WNK3: variants seen among roughly 807,000 people sequenced by gnomAD.
WNK3 encodes the protein WNK lysine deficient protein kinase 3, also known as serine/threonine-protein kinase WNK3.
In WNK3, 18 loss-of-function variants were observed where a neutral mutation model predicts 116.7. That is an observed-to-expected ratio of 0.15 (90% CI 0.11 to 0.23). The LOEUF (loss-of-function observed/expected upper bound fraction) is 0.23. Ranked by LOEUF, WNK3 falls within the 10% of genes least tolerant of loss-of-function variation. The probability of loss-of-function intolerance (pLI) is 1.00; values close to 1 mark genes in which losing one functional copy is unlikely to be tolerated. For synonymous variants in WNK3, 404 were observed against 469.4 expected (o/e 0.86, Z 1.80); for missense variants, 993 against 1,323.8 (o/e 0.75, Z 3.88).
At chrX:54,229,649 T>C in intron 21 of WNK3, among the ~76,000 whole-genome samples, 1 of 110,958 alleles carries the variant, frequency 9.0e-6, no homozygotes. Flanking sequence ...ATAATCAAAA[T>C]AGTGTGGTAT....
At chrX:54,286,370 A>T (rs1307187727) in intron 10 of WNK3, among the ~76,000 whole-genome samples, 1 of 111,180 alleles carries the variant, frequency 9.0e-6, no homozygotes, top group African/African-American at 3.3e-5. Context: ...CACATACTGA[A>T]ATCCATTATA....
In WNK3 at chrX:54,228,733, G is replaced by T. The variant is rs1557148352; in HGVS notation, c.4851C>A (p.Cys1617Ter). 2.1e-6 allele frequency: 1 copy of T among 487,221 alleles called. No homozygotes were observed. The highest frequency in any genetic ancestry group is 3.7e-6 in the Non-Finnish European group (1 of 268,597). The allele number at this position is 487,221 out of a possible 1,213,427, so 40.2% of individuals were successfully genotyped here. A position where few individuals can be genotyped will look rare whatever the true frequency, so the allele number is the denominator to read the frequency against. The stretch of plus-strand genomic sequence containing the variant: ...ACTTACTTTCCAACTCATTTATAAG[G>T]CAGCTTTTCCCTGATATCAAACCAG... Residue 1617 changes from cysteine to a stop codon, truncating the protein, a stop_gained, in exon 22 of 24, where the codon TGC becomes TGA. Coordinates refer to ENST00000354646, the Ensembl canonical transcript of WNK3. LOFTEE classifies it high-confidence loss of function.
At chrX:54,326,239 C>T (rs2069102880) in intron 2 of WNK3, among the ~76,000 whole-genome samples, 1 of 109,236 alleles carries the variant, frequency 9.2e-6, no homozygotes, top group African/African-American at 3.3e-5. Flanking sequence ...TACAGATGCC[C>T]GCCACTACAC....
intron 21 of WNK3, among the ~76,000 whole-genome samples, chrX:54,231,591 G>GACTC (rs1328520252): frequency 9.0e-6 from 1 of 111,617 alleles, no homozygotes; most frequent in Non-Finnish European, 1.9e-5. Context: ...CCTTTTCTCT[G>GACTC]ACTCTTCTGT....
At chrX:54,264,884 AT>A (rs2068293046) in intron 10 of WNK3, among the ~76,000 whole-genome samples, 1 of 109,785 alleles carries the variant, frequency 9.1e-6, no homozygotes, top group East Asian at 2.9e-4. Flanking sequence ...AAGAATGAGA[AT>A]GCATACTGGA....
At chrX:54,347,017 T>C (rs538230872) in intron 1 of WNK3, among the ~76,000 whole-genome samples, 2 of 112,066 alleles carry the variant, frequency 1.8e-5, no homozygotes, top group South Asian at 7.4e-4. Context: ...ACCAGGATAA[T>C]ATCTCTTCTA....
chrX:54,205,930 C>T (rs1327610006), intron 22 of WNK3, among the ~76,000 whole-genome samples: 1 of 111,395 alleles, frequency 9.0e-6, no homozygotes, highest in Non-Finnish European at 1.9e-5. Flanking sequence ...AACCAGAGTT[C>T]AGTCCTTGAT....
rs1198385907 is a variant in WNK3, at chrX:54,257,538, T to TA, written c.2103-1652dup. The stretch of plus-strand genomic sequence containing the variant: ...GGCCAGGCATGGTGGCTCACGCCTG[T>TA]AATCCCAGCACTTTGAGAGGCTGAG... On this transcript the variant is annotated intron_variant, in intron 11 of 23. Coordinates refer to ENST00000354646, the Ensembl canonical transcript of WNK3. Among the ~76,000 whole-genome samples the TA allele has an allele frequency of 3.6e-5, 4 of 110,864 alleles. No individual in the cohort carries two copies. In the Admixed American group the frequency reaches 3.9e-4, roughly 11 times the overall value.
chrX:54,355,422 T>C, intron 1 of WNK3, among the ~76,000 whole-genome samples: 1 of 111,065 alleles, frequency 9.0e-6, no homozygotes, highest in South Asian at 3.8e-4. Context: ...CAAAGTACCG[T>C]AATAAAATTA....
intron 1 of WNK3, among the ~76,000 whole-genome samples, chrX:54,346,681 C>T (rs1233062393): frequency 3.7e-5 from 4 of 109,587 alleles, no homozygotes; most frequent in Admixed American, 1.0e-4. Context: ...CCTTTCAATC[C>T]TTGGAAGAGA....
At chrX:54,197,655 G>C (rs1166746702) in exon 24 of WNK3, 2 of 107,759 alleles carry the variant, frequency 1.9e-5, no homozygotes, top group East Asian at 2.9e-4. Flanking sequence ...AACCCAGGAG[G>C]GGGAGGTTGC....
chrX:54,311,320 A>C, intron 2 of WNK3, 29 bp from the exon 3 acceptor site: 1 of 1,137,752 alleles, frequency 8.8e-7, no homozygotes, highest in East Asian at 3.0e-5. Flanking sequence ...TTCCAAAATA[A>C]AGTCATGAAA....
intron 10 of WNK3, among the ~76,000 whole-genome samples, chrX:54,261,848 T>C (rs1167927120): frequency 8.9e-6 from 1 of 111,969 alleles, no homozygotes; most frequent in Admixed American, 9.5e-5. Flanking sequence ...GTGAGGAACA[T>C]TCTTGTAGCC....
intron 13 of WNK3, among the ~76,000 whole-genome samples, chrX:54,253,367 G>A (rs1459166484): frequency 1.8e-5 from 2 of 111,257 alleles, no homozygotes; most frequent in Non-Finnish European, 3.8e-5. Context: ...CTGGGCTCAA[G>A]CAATCCTCCT....
chrX:54,224,248 A>G (rs1167390511), intron 22 of WNK3, among the ~76,000 whole-genome samples: 1 of 108,782 alleles, frequency 9.2e-6, no homozygotes, highest in African/African-American at 3.4e-5. Context: ...GGTACTAGGG[A>G]GGCTGAGGCA....
intron 2 of WNK3, among the ~76,000 whole-genome samples, chrX:54,329,646 TA>T (rs782574798): frequency 0.026 from 2,497 of 95,133 alleles, 27 homozygotes; most frequent in Non-Finnish European, 0.037. Context: ...GACTCTGTCT[TA>T]AAAAAAAAAA....
chrX:54,345,516 A>G (rs1938375300), intron 1 of WNK3, among the ~76,000 whole-genome samples: 1 of 110,915 alleles, frequency 9.0e-6, no homozygotes, highest in Non-Finnish European at 1.9e-5. Flanking sequence ...AATTAGAACC[A>G]CAAAGAGGCG....
exon 1 of WNK3, chrX:54,357,839 C>T (rs1294076403): frequency 6.2e-5 from 7 of 113,205 alleles, no homozygotes; most frequent in African/African-American, 1.9e-4. Context: ...TCCGATGCTT[C>T]TTACTCCTCT....
chrX:54,349,801 C>T (rs1162145683), intron 1 of WNK3, among the ~76,000 whole-genome samples: 1 of 111,183 alleles, frequency 9.0e-6, no homozygotes, highest in Non-Finnish European at 1.9e-5. Context: ...ATCTTGTGAG[C>T]CTTAGGAGTT....
Sources: gnomAD v4.1 joint callset for allele counts (sites outside exome capture counted in the v4.1 genomes callset) on GRCh38, gnomAD v4.1.1 for gene constraint, MANE v1.5 for transcripts, NCBI Gene and HGNC (gene_info 2026-07-23, HGNC 2026-07-21) for gene names.